VEGFD: variants seen among roughly 807,000 people sequenced by gnomAD.
The protein encoded by VEGFD is c-fos induced growth factor (vascular endothelial growth factor D).
A neutral mutation model predicts 28.0 loss-of-function variants in VEGFD; 26 were observed. That is an observed-to-expected ratio of 0.93 (90% CI 0.68 to 1.29). The LOEUF is 1.29. VEGFD is among the 50% of genes most tolerant of loss of function. The pLI, the probability that VEGFD is intolerant of heterozygous loss-of-function variation, is 0.00. For missense variants in VEGFD, 294 were observed against 273.4 expected (o/e 1.08, Z -0.53); for synonymous variants, 93 against 95.5 (o/e 0.97, Z 0.15).
Position 15,346,224 on chromosome X carries a change from C to T in VEGFD, c.974G>A (p.Cys325Tyr). The T allele has an allele frequency of 4.1e-6, 5 of 1,210,662 alleles. No individual in the cohort carries two copies. The highest frequency in any genetic ancestry group is 1.7e-5 in the African/African-American group (1 of 57,803). ...TGCACATGCTGTTTTGCCACTTGCA[C>T]ATGGTCTGGTATGAAAGGGGCATCT... ...EDRCPFHTRPCASGKTACAKH... is the reference protein window; with the variant it reads ...EDRCPFHTRPYASGKTACAKH... Residue 325 changes from cysteine to tyrosine, a missense_variant, in exon 7 of 7, where the codon TGT (cysteine) becomes TAT (tyrosine). Physicochemically the swap from Cys to Tyr is radical, Grantham distance 194. Transcript: ENST00000297904.
chrX:15,370,126 G>A (rs973191828), intron 1 of VEGFD, among the ~76,000 whole-genome samples: 2 of 111,150 alleles, frequency 1.8e-5, no homozygotes, highest in Admixed American at 1.9e-4. Flanking sequence ...CCGTCACATG[G>A]ATTTCTAGCA....
intron 1 of VEGFD, among the ~76,000 whole-genome samples, chrX:15,366,301 C>T (rs942820969): frequency 2.7e-5 from 3 of 112,169 alleles, no homozygotes; most frequent in Non-Finnish European, 5.6e-5. Flanking sequence ...TGAGCCACTG[C>T]GCCCTGCCCC....
At chrX:15,373,514 G>A (rs1923361153) in intron 1 of VEGFD, among the ~76,000 whole-genome samples, 1 of 112,183 alleles carries the variant, frequency 8.9e-6, no homozygotes, top group African/African-American at 3.2e-5. Flanking sequence ...CCTTCAGGAA[G>A]CTTGGTGATA....
intron 1 of VEGFD, among the ~76,000 whole-genome samples, chrX:15,366,778 C>G (rs986840365): frequency 3.6e-5 from 4 of 112,114 alleles, no homozygotes; most frequent in Non-Finnish European, 5.6e-5. Context: ...ACTAAAAGAG[C>G]CGATTTCCAA....
intron 1 of VEGFD, among the ~76,000 whole-genome samples, chrX:15,374,743 T>A (rs1923393442): frequency 9.0e-6 from 1 of 110,976 alleles, no homozygotes; most frequent in Non-Finnish European, 1.9e-5. Context: ...GTTAAAAAAA[T>A]AAGCTGTCTT....
At chrX:15,368,026 GA>G (rs1923201541) in intron 1 of VEGFD, among the ~76,000 whole-genome samples, 3 of 84,782 alleles carry the variant, frequency 3.5e-5, no homozygotes, top group Non-Finnish European at 4.6e-5. Flanking sequence ...AAGAAAGAAA[GA>G]AAGGAAAGAA....
intron 3 of VEGFD, among the ~76,000 whole-genome samples, chrX:15,356,825 A>AT (rs1321786971): frequency 6.2e-5 from 7 of 112,020 alleles, no homozygotes; most frequent in African/African-American, 2.3e-4. Context: ...AAGAATTTAG[A>AT]AAAAGAAACT....
chrX:15,379,923 C>G (rs1007619891), intron 1 of VEGFD, among the ~76,000 whole-genome samples: 2 of 111,884 alleles, frequency 1.8e-5, no homozygotes, highest in African/African-American at 6.5e-5. Context: ...CAAGGAAGTA[C>G]TATATTGAAG....
intron 3 of VEGFD, among the ~76,000 whole-genome samples, chrX:15,356,632 C>T (rs17216413): frequency 0.05 from 5,564 of 111,596 alleles, 135 homozygotes; most frequent in South Asian, 0.11. Context: ...GCATAAACTT[C>T]ATCTTCTTGC....
At position 15,347,340 on chromosome X, in the gene VEGFD, T is replaced by TTC. The variant is rs1922580019; in HGVS notation, c.760_761dup (p.Pro255AsnfsTer9). 6 of 1,208,881 alleles carry TTC rather than the reference T, an allele frequency of 5.0e-6. No homozygotes were observed. Among genetic ancestry groups the TTC allele is most frequent in the Non-Finnish European group, 6.7e-6 (6 of 894,223 alleles). On this transcript the variant is annotated frameshift_variant, in exon 6 of 7. Transcript: ENST00000297904. LOFTEE classifies it high-confidence loss of function. The stretch of plus-strand genomic sequence containing the variant: ...TCATGTGTGGCCCACAGAGAGCTGG[T>TTC]TCCTGGAGATGAGAGTGGTCTAAAG...
chrX:15,351,113 T>A, intron 5 of VEGFD, among the ~76,000 whole-genome samples: 1 of 82,027 alleles, frequency 1.2e-5, no homozygotes, highest in South Asian at 6.7e-4. Context: ...CTGGTTTTCT[T>A]TTTTTTTTTT....
intron 1 of VEGFD, among the ~76,000 whole-genome samples, chrX:15,369,884 T>C (rs6418686): frequency 0.43 from 47,614 of 110,930 alleles, 9,469 homozygotes; most frequent in African/African-American, 0.78. Flanking sequence ...GCTACTTTGA[T>C]CCAATTTGGG....
intron 1 of VEGFD, among the ~76,000 whole-genome samples, chrX:15,368,664 A>T (rs888420732): frequency 1.8e-5 from 2 of 112,579 alleles, no homozygotes; most frequent in Admixed American, 9.4e-5. Context: ...TCCCAAATAC[A>T]TACTTAAACC....
At chrX:15,353,978 C>CT (rs1251313793) in intron 4 of VEGFD, among the ~76,000 whole-genome samples, 32 of 104,636 alleles carry the variant, frequency 3.1e-4, no homozygotes, top group Non-Finnish European at 3.8e-4. Context: ...ATTTTCTTTT[C>CT]TTTTTTTTTT....
chrX:15,348,200 C>G (rs1427616967), intron 5 of VEGFD, among the ~76,000 whole-genome samples: 2 of 111,841 alleles, frequency 1.8e-5, no homozygotes, highest in African/African-American at 6.5e-5. Flanking sequence ...CTTGACTCAC[C>G]TGCTCTGGTA....
chrX:15,375,877 C>T (rs1230862031), intron 1 of VEGFD, among the ~76,000 whole-genome samples: 1 of 111,338 alleles, frequency 9.0e-6, no homozygotes, highest in Non-Finnish European at 1.9e-5. Context: ...CGGGAGATGG[C>T]CATGCCCTGC....
At position 15,346,137 on chromosome X, in the gene VEGFD, G is replaced by A. The variant is rs1922540385; in HGVS notation, c.1061C>T (p.Pro354Leu). The A allele has an allele frequency of 1.7e-6, 2 of 1,209,949 alleles. No homozygotes were observed. The highest frequency in any genetic ancestry group is 2.2e-6 in the Non-Finnish European group (2 of 894,839). The stretch of plus-strand genomic sequence containing the variant: ...TGGGGAACTTGGAACGCTGAATCAA[G>A]GATTCTTTCGGCTGTGGGGCCCCTG... ...AAQGPHSRKN[P>L] The change falls in exon 7 of 7, where the codon CCT (proline) becomes CTT (leucine). Residue 354 changes from proline to leucine, a missense_variant. Physicochemically the swap from Pro to Leu is moderately conservative, Grantham distance 98. Transcript: ENST00000297904.
At chrX:15,348,852 T>G (rs1922617651) in intron 5 of VEGFD, among the ~76,000 whole-genome samples, 1 of 112,472 alleles carries the variant, frequency 8.9e-6, no homozygotes, top group Non-Finnish European at 1.9e-5. Flanking sequence ...GATGGATGTT[T>G]GTTGGGTTTA....
intron 1 of VEGFD, among the ~76,000 whole-genome samples, chrX:15,364,262 C>T (rs1923091382): frequency 8.9e-6 from 1 of 111,825 alleles, no homozygotes; most frequent in Non-Finnish European, 1.9e-5. Context: ...GGGTTTTACG[C>T]TCTAGAAGTA....
Sources: gnomAD v4.1 joint callset for allele counts (sites outside exome capture counted in the v4.1 genomes callset) on GRCh38, gnomAD v4.1.1 for gene constraint, MANE v1.5 for transcripts, NCBI Gene and HGNC (gene_info 2026-07-23, HGNC 2026-07-21) for gene names.